Variants in TNIK observed in about 807,000 individuals in gnomAD.
The protein encoded by TNIK is TRAF2 and NCK interacting kinase, also known as TRAF2 and NCK-interacting protein kinase.
TNIK carries 49 observed loss-of-function variants against 191.3 expected under a neutral mutation model. The observed-to-expected ratio is 0.26, with a 90% CI of 0.20 to 0.32. The LOEUF (loss-of-function observed/expected upper bound fraction) is 0.32, where lower values mean the gene tolerates loss of function less well. Among genes scored for constraint, TNIK ranks in the 10% least tolerant of loss-of-function variants. The probability of loss-of-function intolerance (pLI) is 1.00; values close to 1 mark genes in which losing one functional copy is unlikely to be tolerated. For missense variants in TNIK, 1,155 were observed against 1,702.3 expected (o/e 0.68, Z 5.66); for synonymous variants, 594 against 600.9 (o/e 0.99, Z 0.17).
intron 18 of TNIK, among the ~76,000 whole-genome samples, chr3:171,118,667 T>A (rs1368640044): frequency 6.6e-6 from 1 of 152,152 alleles, no homozygotes; most frequent in Non-Finnish European, 1.5e-5. Context: ...TTGATAAACC[T>A]GACAAAAACA....
In TNIK at chr3:171,364,456, TA is replaced by T. The variant is rs550797259; in HGVS notation, c.123+5163del. 1.8e-4 allele frequency among the ~76,000 whole-genome samples: 28 copies of T among 151,760 alleles called. No individual in the cohort carries two copies. In the South Asian group the frequency reaches 3.1e-3, roughly 17 times the overall value. ...AAAGATTAACATTTTATGAAAATGC[TA>T]AAAAAAATTTAAAACTGGGAACAAA... On this transcript the variant is annotated intron_variant, in intron 2 of 32. Coordinates refer to ENST00000436636, the MANE Select transcript of TNIK (RefSeq NM_015028.4).
chr3:171,307,052 C>T (rs187810742), intron 2 of TNIK, among the ~76,000 whole-genome samples: 11 of 152,218 alleles, frequency 7.2e-5, no homozygotes, highest in East Asian at 5.8e-4. Flanking sequence ...TTCATGGCCA[C>T]GGCCAGAGGT....
intron 2 of TNIK, among the ~76,000 whole-genome samples, chr3:171,270,309 A>G (rs926123064): frequency 4.6e-5 from 7 of 152,154 alleles, no homozygotes; most frequent in African/African-American, 1.7e-4. Context: ...TGGATTCTTA[A>G]TGAGCAATTG....
At chr3:171,066,419 C>T (rs1045907887) in intron 31 of TNIK, 93 bp from the exon 32 acceptor site, 19 of 1,571,010 alleles carry the variant, frequency 1.2e-5, no homozygotes, top group East Asian at 4.5e-5. Flanking sequence ...AAATGACAAA[C>T]GACTTGAGAT....
rs140047275 is a variant in TNIK, at chr3:171,304,561, G to A, written c.123+65059C>T. ...TGCTGCTTTAAAGACACATGCATAC[G>A]TATGTTTATTGCGGCACTATTCACA... is the stretch of plus-strand genomic sequence containing the variant. On this transcript the variant is annotated intron_variant, in intron 2 of 32. Coordinates refer to ENST00000436636, the MANE Select transcript of TNIK (RefSeq NM_015028.4). Among the ~76,000 whole-genome samples the A allele has an allele frequency of 8.5e-5, 13 of 152,246 alleles. No individual in the cohort carries two copies. In the East Asian group the frequency reaches 2.1e-3, roughly 25 times the overall value.
At chr3:171,380,677 C>A (rs763360470) in intron 1 of TNIK, among the ~76,000 whole-genome samples, 2 of 150,466 alleles carry the variant, frequency 1.3e-5, no homozygotes, top group Non-Finnish European at 3.0e-5. Flanking sequence ...CCCCACCCCT[C>A]TTCACAATAC....
At chr3:171,306,978 T>C (rs1247240904) in intron 2 of TNIK, among the ~76,000 whole-genome samples, 1 of 152,082 alleles carries the variant, frequency 6.6e-6, no homozygotes, top group African/African-American at 2.4e-5. Flanking sequence ...GTCAACAGCA[T>C]GCTTCATGTT....
In TNIK at chr3:171,159,900, G is replaced by A. The variant is rs552575323; in HGVS notation, c.1016+1370C>T. ...TGATATAATGACATGTTATAATTAC[G>A]GAAGTGTTAAGGTACGGCTGGGCTG... On this transcript the variant is annotated intron_variant, in intron 11 of 32. Transcript: ENST00000436636. This position sits in a 1 kb window ranked among gnomAD's most constrained non-coding sequence, Gnocchi z 4.1. Among the ~76,000 whole-genome samples, 25 of 152,312 alleles carry A rather than the reference G, an allele frequency of 1.6e-4. No homozygotes were observed. The South Asian group carries it at 3.7e-3, about 23-fold the overall frequency.
chr3:171,161,184 G>T, intron 11 of TNIK, 86 bp downstream of exon 11: 1 of 1,414,896 alleles, frequency 7.1e-7, no homozygotes. Flanking sequence ...TCTTAAAAAC[G>T]AACCTATAAA....
intron 1 of TNIK, among the ~76,000 whole-genome samples, chr3:171,450,933 G>C (rs567246753): frequency 1.3e-5 from 2 of 152,190 alleles, no homozygotes; most frequent in Admixed American, 1.3e-4. Flanking sequence ...AAAAAATTCA[G>C]ATAGTCACGA....
At chr3:171,107,930 C>A in intron 20 of TNIK, 135 bp downstream of exon 20, 3 of 804,502 alleles carry the variant, frequency 3.7e-6, no homozygotes, top group Non-Finnish European at 5.7e-6. Context: ...TGACTTTCTT[C>A]GGGATGTTTC....
chr3:171,081,720 C>A (rs1720710982), intron 27 of TNIK, among the ~76,000 whole-genome samples: 1 of 147,752 alleles, frequency 6.8e-6, no homozygotes, highest in Admixed American at 6.7e-5. Flanking sequence ...CTATATAAGG[C>A]TCTTTTTGGG....
At chr3:171,348,626 G>A (rs1456636663) in intron 2 of TNIK, among the ~76,000 whole-genome samples, 1 of 152,138 alleles carries the variant, frequency 6.6e-6, no homozygotes, top group Non-Finnish European at 1.5e-5. Context: ...ACACCAATGA[G>A]GTTATAAAGC....
At chr3:171,100,806 T>G (rs1430159714) in intron 22 of TNIK, among the ~76,000 whole-genome samples, 2 of 123,414 alleles carry the variant, frequency 1.6e-5, no homozygotes, top group East Asian at 4.7e-4. Flanking sequence ...TACATATAAA[T>G]ATACATGTAA....
intron 2 of TNIK, among the ~76,000 whole-genome samples, chr3:171,228,780 A>G (rs1743259646): frequency 6.6e-6 from 1 of 152,212 alleles, no homozygotes; most frequent in Non-Finnish European, 1.5e-5. Context: ...TGCTTCCCCA[A>G]GGTGGGCTCT....
At chr3:171,454,405 A>G (rs948721016) in intron 1 of TNIK, among the ~76,000 whole-genome samples, 1 of 152,252 alleles carries the variant, frequency 6.6e-6, no homozygotes, top group Non-Finnish European at 1.5e-5. Context: ...TAAGGGGGAA[A>G]AAAGGAATAT....
intron 2 of TNIK, among the ~76,000 whole-genome samples, chr3:171,287,222 A>C (rs556725529): frequency 2.0e-5 from 3 of 152,320 alleles, no homozygotes; most frequent in East Asian, 1.9e-4. Flanking sequence ...AACAAAAAAA[A>C]CCCTCAAAAT....
intron 2 of TNIK, among the ~76,000 whole-genome samples, chr3:171,257,854 C>T (rs886486763): frequency 1.1e-4 from 16 of 152,130 alleles, no homozygotes; most frequent in Admixed American, 2.6e-4. Context: ...TCCACACATG[C>T]GGACAGAGAC....
intron 24 of TNIK, among the ~76,000 whole-genome samples, chr3:171,086,482 A>G (rs1721371532): frequency 6.6e-6 from 1 of 152,228 alleles, no homozygotes; most frequent in Non-Finnish European, 1.5e-5. Context: ...GTGTTCAGGC[A>G]GAAAATGCCC....
Sources: gnomAD v4.1 joint callset for allele counts (sites outside exome capture counted in the v4.1 genomes callset) on GRCh38, gnomAD v4.1.1 for gene constraint, Gnocchi (gnomAD v3.1) non-coding constraint, MANE v1.5 for transcripts, NCBI Gene and HGNC (gene_info 2026-07-23, HGNC 2026-07-21) for gene names.